Variants in PTPRN2 observed in about 807,000 individuals in gnomAD.
The protein encoded by PTPRN2 is protein tyrosine phosphatase receptor type N2.
PTPRN2 carries 74 observed loss-of-function variants against 118.8 expected under a neutral mutation model. The ratio of observed to expected loss-of-function variants is 0.62; its 90% CI spans 0.52 to 0.76. PTPRN2 has a LOEUF of 0.76. Ranked by LOEUF, PTPRN2 falls within the 30% of genes least tolerant of loss-of-function variation. The probability of loss-of-function intolerance (pLI) is 0.00; values close to 1 mark genes in which losing one functional copy is unlikely to be tolerated. For synonymous variants in PTPRN2, 641 were observed against 608.0 expected (o/e 1.05, Z -0.80); for missense variants, 1,481 against 1,394.4 (o/e 1.06, Z -0.99).
chr7:158,342,410 C>G (rs1188430684), intron 2 of PTPRN2, among the ~76,000 whole-genome samples: 92 of 134,178 alleles, frequency 6.9e-4, no homozygotes, highest in Middle Eastern at 3.9e-3. Context: ...CTCACACCCA[C>G]ACTCTCACCA....
At chr7:157,741,953 A>G (rs1000546017) in intron 12 of PTPRN2, among the ~76,000 whole-genome samples, 1 of 152,226 alleles carries the variant, frequency 6.6e-6, no homozygotes, top group Non-Finnish European at 1.5e-5. Context: ...GTCAACGACG[A>G]ACCAATAAAT....
intron 12 of PTPRN2, among the ~76,000 whole-genome samples, chr7:157,871,057 G>A (rs1036320033): frequency 6.6e-6 from 1 of 152,242 alleles, no homozygotes; most frequent in Admixed American, 6.5e-5. Flanking sequence ...GAGCTGCACA[G>A]CTGGGGTAGG....
chr7:157,614,154 G>C (rs62476782), intron 15 of PTPRN2: 9 of 457,248 alleles, frequency 2.0e-5, no homozygotes, highest in African/African-American at 1.0e-4. Flanking sequence ...GGGGAGGAAG[G>C]GGGAGGACAG....
At chr7:158,071,571 G>GTGA (rs1811703276) in intron 11 of PTPRN2, among the ~76,000 whole-genome samples, 5 of 20,232 alleles carry the variant, frequency 2.5e-4, no homozygotes, top group East Asian at 5.1e-3. Context: ...GGTGCTCCTG[G>GTGA]TGGAGGTGCT....
chr7:158,241,507 C>T (rs569207808), intron 3 of PTPRN2, among the ~76,000 whole-genome samples: 3 of 151,890 alleles, frequency 2.0e-5, no homozygotes, highest in Non-Finnish European at 4.4e-5. Context: ...GAGTAAGACT[C>T]TATCTCAAAA....
rs565847242 is a variant in PTPRN2 at position 157,782,069 on chromosome 7, C to T, written c.1789-99132G>A. 4.8e-4 allele frequency among the ~76,000 whole-genome samples: 73 copies of T among 152,326 alleles called. 1 individual carries two copies. Among genetic ancestry groups the T allele is most frequent in the African/African-American group, 1.7e-3 (69 of 41,588 alleles). On this transcript the variant is annotated intron_variant, in intron 12 of 22. Transcript: ENST00000389418. ...TCGCCTATGCTATCTCTTTCACTGT[C>T]CCTAGGGAATAGACCTGGGCTGGCT...
chr7:158,054,760 G>A (rs563255676), intron 11 of PTPRN2, among the ~76,000 whole-genome samples: 25 of 152,210 alleles, frequency 1.6e-4, no homozygotes, highest in South Asian at 6.2e-4. Flanking sequence ...CCGTAGCACC[G>A]TCAGCCCTGC....
chr7:158,062,427 C>T (rs762872693), intron 11 of PTPRN2, among the ~76,000 whole-genome samples: 21 of 152,234 alleles, frequency 1.4e-4, no homozygotes, highest in Non-Finnish European at 2.8e-4. Context: ...TTGCAGCCCT[C>T]GCTCACTCTC....
At chr7:158,075,255 C>T (rs1387475522) in intron 11 of PTPRN2, among the ~76,000 whole-genome samples, 10 of 152,194 alleles carry the variant, frequency 6.6e-5, no homozygotes, top group African/African-American at 1.4e-4. Context: ...CTACCATCTC[C>T]GATTCCCTAA....
intron 10 of PTPRN2, among the ~76,000 whole-genome samples, chr7:158,100,278 T>TGTGC (rs1359057394): frequency 1.3e-4 from 20 of 149,596 alleles, no homozygotes; most frequent in African/African-American, 3.2e-4. Context: ...TGTGTGTGTG[T>TGTGC]GCCACGATTT....
intron 12 of PTPRN2, among the ~76,000 whole-genome samples, chr7:157,748,695 G>T (rs1801217515): frequency 6.9e-6 from 1 of 144,602 alleles, no homozygotes; most frequent in African/African-American, 2.6e-5. Context: ...TCTATGAGCT[G>T]TGGGCTGTTG....
intron 1 of PTPRN2, among the ~76,000 whole-genome samples, chr7:158,534,779 G>A (rs974003337): frequency 6.6e-6 from 1 of 150,468 alleles, no homozygotes; most frequent in South Asian, 2.2e-4. Flanking sequence ...TTCTCCATAT[G>A]TTTCTTGGCT....
At chr7:158,205,409 A>T in intron 3 of PTPRN2, 136 bp from the exon 4 acceptor site, 1 of 637,906 alleles carries the variant, frequency 1.6e-6, no homozygotes, top group Non-Finnish European at 2.8e-6. Context: ...CTCTCACTGC[A>T]GTTTATCAAG....
At chr7:158,390,163 G>C (rs1280416755) in intron 2 of PTPRN2, among the ~76,000 whole-genome samples, 1 of 152,018 alleles carries the variant, frequency 6.6e-6, no homozygotes, top group East Asian at 1.9e-4. Context: ...AGTGTGCACA[G>C]AGGCATGTCC....
chr7:157,801,080 C>T lies in PTPRN2; in HGVS notation c.1788+97593G>A, dbSNP rs1182629480. ...ACATATATATACACATATATATACA[C>T]ACACACACACATATATATATGCACA... On this transcript the variant is annotated intron_variant, in intron 12 of 22. Coordinates refer to ENST00000389418, the MANE Select transcript of PTPRN2 (RefSeq NM_002847.5). This position sits in a 1 kb window ranked among gnomAD's most constrained non-coding sequence, Gnocchi z 4.2. 6.6e-6 allele frequency among the ~76,000 whole-genome samples: 1 copy of T among 151,158 alleles called. No homozygotes were observed. Among genetic ancestry groups the T allele is most frequent in the Non-Finnish European group, 1.5e-5 (1 of 67,822 alleles).
At chr7:158,272,255 G>A (rs775139028) in intron 3 of PTPRN2, among the ~76,000 whole-genome samples, 21 of 152,190 alleles carry the variant, frequency 1.4e-4, no homozygotes, top group Middle Eastern at 3.2e-3. Context: ...TCGGAGAGCC[G>A]CGTCTCCGGG....
chr7:158,233,920 A>G (rs1829339924), intron 3 of PTPRN2, among the ~76,000 whole-genome samples: 1 of 152,196 alleles, frequency 6.6e-6, no homozygotes, highest in African/African-American at 2.4e-5. Context: ...ATTTCCATAC[A>G]CAGAAGAATG....
intron 2 of PTPRN2, among the ~76,000 whole-genome samples, chr7:158,371,954 C>T (rs896074133): frequency 7.2e-5 from 11 of 152,208 alleles, no homozygotes; most frequent in South Asian, 2.1e-4. Flanking sequence ...ACTCAGCGTC[C>T]GTCGTGGCCC....
chr7:157,771,941 T>C (rs1339431778), intron 12 of PTPRN2, among the ~76,000 whole-genome samples: 10 of 108,576 alleles, frequency 9.2e-5, no homozygotes, highest in Admixed American at 4.3e-4. Flanking sequence ...CACAGACACA[T>C]ACAAAGACAC....
Sources: gnomAD v4.1 joint callset for allele counts (sites outside exome capture counted in the v4.1 genomes callset) on GRCh38, gnomAD v4.1.1 for gene constraint, Gnocchi (gnomAD v3.1) non-coding constraint, MANE v1.5 for transcripts, NCBI Gene and HGNC (gene_info 2026-07-23, HGNC 2026-07-21) for gene names.